The following ZRANB3 variants were observed in gnomAD, a reference collection of about 807,000 sequenced individuals.
The protein encoded by ZRANB3 is zinc finger RANBP2-type containing 3.
A neutral mutation model predicts 133.8 loss-of-function variants in ZRANB3; 125 were observed. The ratio of observed to expected loss-of-function variants is 0.93; its 90% confidence interval spans 0.81 to 1.08. ZRANB3 has a LOEUF of 1.08. Ranked by LOEUF, ZRANB3 falls within the 50% of genes least tolerant of loss-of-function variation. ZRANB3 has a pLI of 0.00. For synonymous variants in ZRANB3, 387 were observed against 432.7 expected, an observed-to-expected ratio of 0.89 and a Z score of 1.31; for missense variants, 1,229 against 1,275.5, an observed-to-expected ratio of 0.96 and a Z score of 0.56.
intron 2 of ZRANB3, among the ~76,000 whole-genome samples, chr2:135,438,599 C>T (rs1689648842): frequency 6.6e-6 from 1 of 151,952 alleles, no homozygotes; most frequent in South Asian, 2.1e-4. Flanking sequence ...TAGTAAAGGG[C>T]AACTGCCTCC....
chr2:135,266,497 T>C (rs916834536), intron 11 of ZRANB3, among the ~76,000 whole-genome samples: 2 of 152,110 alleles, frequency 1.3e-5, no homozygotes, highest in Non-Finnish European at 2.9e-5. Flanking sequence ...CCAGGAGCGG[T>C]GGCTCATGCC....
intron 6 of ZRANB3, among the ~76,000 whole-genome samples, chr2:135,320,880 T>C (rs1324922735): frequency 1.3e-5 from 2 of 152,242 alleles, no homozygotes; most frequent in Non-Finnish European, 2.9e-5. Flanking sequence ...TGTTATGTAA[T>C]ATAAATAGAA....
intron 12 of ZRANB3, 168 bp from the exon 13 acceptor site, chr2:135,231,095 A>T: frequency 1.1e-5 from 5 of 459,486 alleles, no homozygotes; most frequent in Non-Finnish European, 1.8e-5. Context: ...ATATATAAAT[A>T]TATATATGTA....
chr2:135,485,566 G>T (rs1215170288), intron 2 of ZRANB3, among the ~76,000 whole-genome samples: 1 of 152,134 alleles, frequency 6.6e-6, no homozygotes, highest in Non-Finnish European at 1.5e-5. Context: ...ACTGTGCAGG[G>T]TGCTGTCATA....
intron 6 of ZRANB3, among the ~76,000 whole-genome samples, chr2:135,332,770 A>G (rs560502596): frequency 6.6e-6 from 1 of 152,248 alleles, no homozygotes; most frequent in South Asian, 2.1e-4. Flanking sequence ...TGTCTTTACT[A>G]TTGCATCAAT....
Position 135,413,940 on chromosome 2 carries a change from A to G in ZRANB3, c.162-23120T>C, listed in dbSNP as rs547273720. ...TTGTCACCACCAGGCCTGCCCTAAA[A>G]GAGCTCCTGAAGGAAGCACTAAACA... On this transcript the variant is annotated intron_variant, in intron 2 of 20. Coordinates refer to ENST00000264159, the MANE Select transcript of ZRANB3 (RefSeq NM_032143.4). Among the ~76,000 whole-genome samples the G allele has an allele frequency of 2.0e-5, 3 of 152,302 alleles. No individual in the cohort carries two copies. In the South Asian group the frequency reaches 6.2e-4, roughly 32 times the overall value.
intron 2 of ZRANB3, among the ~76,000 whole-genome samples, chr2:135,413,618 A>G (rs1688412019): frequency 1.3e-5 from 2 of 152,324 alleles, no homozygotes; most frequent in South Asian, 4.1e-4. Context: ...AACTGAGTAC[A>G]GAGATCTAGG....
intron 11 of ZRANB3, among the ~76,000 whole-genome samples, chr2:135,266,787 A>T (rs1031179839): frequency 6.6e-6 from 1 of 151,950 alleles, no homozygotes; most frequent in Non-Finnish European, 1.5e-5. Context: ...AAAAGAGTCT[A>T]ATAAGAAACA....
At chr2:135,263,615 T>G (rs758360879) in intron 12 of ZRANB3, among the ~76,000 whole-genome samples, 6 of 152,120 alleles carry the variant, frequency 3.9e-5, no homozygotes, top group African/African-American at 1.4e-4. Flanking sequence ...ATATATTGTG[T>G]GCCAGAAAGC....
intron 1 of ZRANB3, among the ~76,000 whole-genome samples, 192 bp downstream of exon 1, chr2:135,530,935 A>G (rs1478415052): frequency 6.6e-6 from 1 of 152,166 alleles, no homozygotes; most frequent in Non-Finnish European, 1.5e-5. Flanking sequence ...GGCCGAAAAG[A>G]GCAATCACCC....
Position 135,353,479 on chromosome 2 carries a change from G to T in ZRANB3, c.330C>A (p.Ile110=). 6.3e-7 allele frequency: 1 copy of T among 1,599,954 alleles called. No individual in the cohort carries two copies. The highest frequency in any genetic ancestry group is 8.5e-7 in the Non-Finnish European group (1 of 1,174,628). The change falls in exon 4 of 21, where the codon ATC becomes ATA. Residue 110 remains isoleucine (I), a synonymous_variant. Transcript: ENST00000264159. ...KWIPELSPEE[I]NVIQNKTDVR... Reference sequence around the variant, plus strand: ...CATCAGTTTTATTCTGAATAACATTGATTTCTTCTGGACTTAGCTCTGGGA... The same window carrying T: ...CATCAGTTTTATTCTGAATAACATTTATTTCTTCTGGACTTAGCTCTGGGA...
chr2:135,447,319 G>A (rs111857061), intron 2 of ZRANB3, among the ~76,000 whole-genome samples: 12,014 of 152,172 alleles, frequency 0.079, 1,080 homozygotes, highest in African/African-American at 0.22. Flanking sequence ...GATTACAGAC[G>A]TGAGCCACTG....
chr2:135,358,888 G>C (rs1257825800), intron 3 of ZRANB3, among the ~76,000 whole-genome samples: 1 of 151,942 alleles, frequency 6.6e-6, no homozygotes, highest in African/African-American at 2.4e-5. Flanking sequence ...GGAAATACAA[G>C]CTATGCAAGC....
Position 135,207,853 on chromosome 2 carries a change from C to A in ZRANB3, c.2607-17G>T. On this transcript the variant is annotated splice_polypyrimidine_tract_variant and intron_variant, in intron 18 of 20. Coordinates refer to ENST00000264159, the MANE Select transcript of ZRANB3 (RefSeq NM_032143.4). ...AGAAGTTTTCTACAATTGATAAAAACACTGAATAGGTAACTAATGAATGAT... is the reference window on the plus strand; with the variant it reads ...AGAAGTTTTCTACAATTGATAAAAAAACTGAATAGGTAACTAATGAATGAT... The A allele has an allele frequency of 6.3e-7, 1 of 1,580,472 alleles. No individual in the cohort carries two copies. The highest frequency in any genetic ancestry group is 1.3e-5 in the African/African-American group (1 of 74,190).
chr2:135,279,006 C>T (rs1362042489), intron 8 of ZRANB3, among the ~76,000 whole-genome samples: 1 of 151,600 alleles, frequency 6.6e-6, no homozygotes, highest in Non-Finnish European at 1.5e-5. Context: ...TTGATGACAG[C>T]TAAAATTACA....
intron 2 of ZRANB3, among the ~76,000 whole-genome samples, chr2:135,473,670 T>C (rs753597676): frequency 1.3e-5 from 2 of 152,176 alleles, no homozygotes; most frequent in Non-Finnish European, 2.9e-5. Flanking sequence ...CTGGTGCCTA[T>C]GAATAGATAA....
intron 1 of ZRANB3, among the ~76,000 whole-genome samples, chr2:135,523,420 G>A (rs1472117624): frequency 6.6e-6 from 1 of 152,090 alleles, no homozygotes; most frequent in Non-Finnish European, 1.5e-5. Context: ...ATTCTTCTCT[G>A]TTTCCTTAAA....
chr2:135,213,138 A>T (rs1392078871), intron 17 of ZRANB3, among the ~76,000 whole-genome samples: 1 of 152,222 alleles, frequency 6.6e-6, no homozygotes, highest in Non-Finnish European at 1.5e-5. Flanking sequence ...AGAACCATTC[A>T]GTACTTTTAA....
chr2:135,452,003 A>T (rs773345765), intron 2 of ZRANB3, among the ~76,000 whole-genome samples: 1 of 152,240 alleles, frequency 6.6e-6, no homozygotes, highest in Non-Finnish European at 1.5e-5. Context: ...GTCAAAAAAT[A>T]TAGGAAAAAT....
Sources: allele counts gnomAD v4.1 joint callset (sites outside exome capture counted in the v4.1 genomes callset), GRCh38; gene constraint gnomAD v4.1.1; transcripts MANE v1.5; gene names NCBI Gene and HGNC (gene_info 2026-07-23, HGNC 2026-07-21).